Variants in EPHX2 observed in about 807,000 individuals in gnomAD.
EPHX2 encodes bifunctional epoxide hydrolase 2.
A neutral mutation model predicts 78.7 loss-of-function variants in EPHX2; 74 were observed. The observed-to-expected ratio is 0.94, with a 90% CI of 0.78 to 1.14. EPHX2 has a LOEUF of 1.14. EPHX2 is among the 50% of genes most tolerant of loss of function. The pLI, the probability that EPHX2 is intolerant of heterozygous loss-of-function variation, is 0.00. For missense variants in EPHX2, 715 were observed against 702.5 expected (o/e 1.02, Z -0.20); for synonymous variants, 251 against 255.2 (o/e 0.98, Z 0.16).
At chr8:27,547,972 C>G (rs184693074), downstream of EPHX2, among the ~76,000 whole-genome samples, 1 of 152,316 alleles carries the variant, frequency 6.6e-6, no homozygotes, top group East Asian at 1.9e-4. Context: ...ATATTCCCCT[C>G]TGCTAAAAGA....
At chr8:27,506,639 T>A (rs1056814187) in intron 4 of EPHX2, among the ~76,000 whole-genome samples, 12 of 152,232 alleles carry the variant, frequency 7.9e-5, no homozygotes, top group Non-Finnish European at 1.5e-4. Flanking sequence ...TTGATAAGTG[T>A]GTATCCTCTC....
chr8:27,536,894 CA>C (rs1563362139), intron 13 of EPHX2, 39 bp downstream of exon 13: 6 of 1,607,764 alleles, frequency 3.7e-6, no homozygotes, highest in Admixed American at 1.7e-5. Flanking sequence ...CAGGAGGGGG[CA>C]GTTGTGAAGG....
At chr8:27,512,102 A>T in intron 6 of EPHX2, 192 bp downstream of exon 6, 17 of 312,742 alleles carry the variant, frequency 5.4e-5, no homozygotes, top group Middle Eastern at 1.1e-3. Context: ...TGTCTCAAGA[A>T]AAAAAAAAAA....
At chr8:27,518,315 A>G (rs536051650) in intron 9 of EPHX2, among the ~76,000 whole-genome samples, 12 of 152,332 alleles carry the variant, frequency 7.9e-5, no homozygotes, top group Middle Eastern at 3.4e-3. Flanking sequence ...AGTTAAAGGT[A>G]ATTGCCTGAG....
intron 10 of EPHX2, 22 bp downstream of exon 10, chr8:27,520,931 A>T: frequency 1.9e-6 from 3 of 1,613,794 alleles, no homozygotes; most frequent in Non-Finnish European, 2.5e-6. Flanking sequence ...TTTTGAACTG[A>T]TATCTTTGGA....
downstream of EPHX2, among the ~76,000 whole-genome samples, chr8:27,548,059 C>T (rs2640727): frequency 0.52 from 79,413 of 152,020 alleles, 21,772 homozygotes; most frequent in Admixed American, 0.62. Context: ...GTGCTGCTCC[C>T]GGGAGGAGGC....
chr8:27,528,517 G>T (rs866506145), intron 12 of EPHX2, among the ~76,000 whole-genome samples: 1 of 152,268 alleles, frequency 6.6e-6, no homozygotes, highest in African/African-American at 2.4e-5. Flanking sequence ...GCAAAAGGTT[G>T]GTTTTGGGTG....
chr8:27,544,572 G>A lies in EPHX2; in HGVS notation c.*50G>A. The stretch of plus-strand genomic sequence containing the variant: ...CAGGTGTGCCATCCTTCCACCTGCT[G>A]GGGCACCATTCTTAGTATACAGAGG... On this transcript the variant is annotated 3_prime_UTR_variant, in exon 19 of 19. Coordinates refer to ENST00000521400, the MANE Select transcript of EPHX2 (RefSeq NM_001979.6). 6.3e-7 allele frequency: 1 copy of A among 1,591,612 alleles called. No individual in the cohort carries two copies. Among genetic ancestry groups the A allele is most frequent in the Non-Finnish European group, 8.6e-7 (1 of 1,161,102 alleles).
chr8:27,521,949 G>A (rs72475878), intron 10 of EPHX2, among the ~76,000 whole-genome samples: 2,047 of 152,266 alleles, frequency 0.013, 41 homozygotes, highest in African/African-American at 0.046. Context: ...GGGAGTTGAC[G>A]TTGTCATTTT....
At chr8:27,526,707 G>A (rs1379494783) in intron 12 of EPHX2, among the ~76,000 whole-genome samples, 1 of 151,984 alleles carries the variant, frequency 6.6e-6, no homozygotes, top group Non-Finnish European at 1.5e-5. Context: ...TTGGCTTGTG[G>A]GTAGTCCTCT....
chr8:27,530,733 G>T (rs1022833259), intron 12 of EPHX2, among the ~76,000 whole-genome samples: 1 of 150,948 alleles, frequency 6.6e-6, no homozygotes, highest in East Asian at 1.9e-4. Context: ...TATGCACCAA[G>T]CTTTAACTAT....
At chr8:27,544,155 A>G in intron 17 of EPHX2, 31 bp from the exon 18 acceptor site, 2 of 1,613,770 alleles carry the variant, frequency 1.2e-6, no homozygotes, top group Non-Finnish European at 8.5e-7. Context: ...GCCTTCTTCC[A>G]TTTACCTTTC....
At chr8:27,521,628 C>A (rs1235302906) in intron 10 of EPHX2, among the ~76,000 whole-genome samples, 1 of 152,166 alleles carries the variant, frequency 6.6e-6, no homozygotes, top group African/African-American at 2.4e-5. Flanking sequence ...TGGTCCCTAC[C>A]CTCTGCAGAT....
At chr8:27,495,568 A>G (rs1395650241) in intron 1 of EPHX2, among the ~76,000 whole-genome samples, 1 of 152,212 alleles carries the variant, frequency 6.6e-6, no homozygotes, top group African/African-American at 2.4e-5. Context: ...CTGGTATCTA[A>G]GCAGGCAGTT....
chr8:27,507,166 G>T (rs1270654117), intron 5 of EPHX2, among the ~76,000 whole-genome samples, 172 bp downstream of exon 5: 1 of 152,246 alleles, frequency 6.6e-6, no homozygotes, highest in Non-Finnish European at 1.5e-5. Flanking sequence ...TCCCTAAGGA[G>T]CATCTTGCCT....
chr8:27,538,914 AAGC>A (rs1342222376), intron 14 of EPHX2: 67 of 573,564 alleles, frequency 1.2e-4, no homozygotes, highest in Non-Finnish European at 1.4e-4. Context: ...TCAAGATCTT[AAGC>A]AGTAAGAGCT....
Position 27,507,826 on chromosome 8 carries a change from TG to T in EPHX2, c.660+833del, listed in dbSNP as rs565820143. On this transcript the variant is annotated intron_variant, in intron 5 of 18. Coordinates refer to ENST00000521400, the MANE Select transcript of EPHX2 (RefSeq NM_001979.6). ...TCTCCAGAAGCCTCTCTCCTTGGCTTGAAGACAGCCACTTTCTCCCTATTTC... is the reference window on the plus strand; with the variant it reads ...TCTCCAGAAGCCTCTCTCCTTGGCTTAAGACAGCCACTTTCTCCCTATTTC... Among the ~76,000 whole-genome samples, 5 of 152,318 alleles carry T rather than the reference TG, an allele frequency of 3.3e-5. No individual in the cohort carries two copies. In the South Asian group the frequency reaches 1.0e-3, roughly 32 times the overall value.
intron 4 of EPHX2, among the ~76,000 whole-genome samples, chr8:27,505,424 CT>C (rs1481972498): frequency 6.6e-6 from 1 of 152,144 alleles, no homozygotes; most frequent in Non-Finnish European, 1.5e-5. Flanking sequence ...CCTCAGTTTA[CT>C]TACAAAGAAA....
Position 27,544,555 on chromosome 8 carries a change from C to T in EPHX2, c.*33C>T, listed in dbSNP as rs1815525212. 1.2e-6 allele frequency: 2 copies of T among 1,606,910 alleles called. No individual in the cohort carries two copies. Among genetic ancestry groups the T allele is most frequent in the South Asian group, 1.1e-5 (1 of 90,900 alleles). On this transcript the variant is annotated 3_prime_UTR_variant, in exon 19 of 19. Transcript: ENST00000521400. The stretch of plus-strand genomic sequence containing the variant: ...CGTGTGCCCACGCTCAGCAGGTGTG[C>T]CATCCTTCCACCTGCTGGGGCACCA...
Sources: gnomAD v4.1 joint callset for allele counts (sites outside exome capture counted in the v4.1 genomes callset) on GRCh38, gnomAD v4.1.1 for gene constraint, MANE v1.5 for transcripts, NCBI Gene and HGNC (gene_info 2026-07-23, HGNC 2026-07-21) for gene names.